MSR1: variants seen among roughly 807,000 people sequenced by gnomAD.
MSR1 encodes the protein macrophage scavenger receptor 1.
In MSR1, 53 loss-of-function variants were observed where a neutral mutation model predicts 47.2. The ratio of observed to expected loss-of-function variants is 1.12; its 90% confidence interval spans 0.90 to 1.41. MSR1 has a LOEUF of 1.41. Among genes scored for constraint, MSR1 ranks in the 40% most tolerant of loss-of-function variants. The probability of loss-of-function intolerance (pLI) is 0.00; values close to 1 mark genes in which losing one functional copy is unlikely to be tolerated. For missense variants in MSR1, 786 were observed against 546.9 expected (o/e 1.44, Z -4.36); for synonymous variants, 239 against 185.6 (o/e 1.29, Z -2.34).
rs149600801 is a variant in MSR1 at position 16,160,079 on chromosome 8, C to T, written c.817+3986G>A. Among the ~76,000 whole-genome samples the T allele has an allele frequency of 6.9e-3, 1,052 of 152,084 alleles. 10 individuals are homozygous for T. The highest frequency in any genetic ancestry group is 0.011 in the Non-Finnish European group (745 of 67,942). On this transcript the variant is annotated intron_variant, in intron 5 of 9. Transcript: ENST00000262101. The stretch of plus-strand genomic sequence containing the variant: ...GACACACTGAAAAAGACCTTGAGTG[C>T]TACAGGCAAAACTGTATGTCTAATG...
chr8:16,139,764 AAAAAAAAAAAATATATATATATATATAT>A (rs1800490020), intron 8 of MSR1: 1 of 163,708 alleles, frequency 6.1e-6, no homozygotes, highest in Admixed American at 4.5e-4. Context: ...AAAAAAAAAA[AAAAAAAAAAAATATATATATATATATAT>A]ATATATATAT....
At chr8:16,188,963 CATACATATATATATATATAT>C (rs1802081883) in intron 1 of MSR1, among the ~76,000 whole-genome samples, 2 of 86,838 alleles carry the variant, frequency 2.3e-5, no homozygotes, top group African/African-American at 9.3e-5. Context: ...ATTCAACACA[CATACATATATATATATATAT>C]ATATATATAT....
intron 9 of MSR1, 37 bp from the exon 10 acceptor site, chr8:16,110,255 GA>G: frequency 6.2e-7 from 1 of 1,610,310 alleles, no homozygotes; most frequent in Non-Finnish European, 8.5e-7. Context: ...AGTAAGTTTA[GA>G]GTTTAGTGTT....
intron 5 of MSR1, among the ~76,000 whole-genome samples, chr8:16,159,793 C>A (rs111917030): frequency 1.3e-5 from 2 of 151,790 alleles, no homozygotes; most frequent in African/African-American, 4.8e-5. Flanking sequence ...CATATTAAGA[C>A]AGAAATAAGT....
chr8:16,157,500 T>C (rs1399245308), intron 5 of MSR1, among the ~76,000 whole-genome samples: 2 of 151,958 alleles, frequency 1.3e-5, no homozygotes, highest in African/African-American at 4.8e-5. Flanking sequence ...ATGTTGAATG[T>C]ACCTTTTTAT....
intron 8 of MSR1, among the ~76,000 whole-genome samples, chr8:16,126,051 T>C (rs569274327): frequency 1.3e-5 from 2 of 152,262 alleles, no homozygotes; most frequent in South Asian, 4.1e-4. Context: ...TTATTTCTTT[T>C]CTTTATTTTT....
intron 1 of MSR1, among the ~76,000 whole-genome samples, chr8:16,189,266 T>A (rs1162217433): frequency 7.2e-6 from 1 of 138,792 alleles, no homozygotes; most frequent in African/African-American, 2.6e-5. Context: ...CTTATTTTAT[T>A]TATATTTCAA....
At chr8:16,130,061 T>C (rs1026866660) in intron 8 of MSR1, among the ~76,000 whole-genome samples, 4 of 152,094 alleles carry the variant, frequency 2.6e-5, no homozygotes, top group African/African-American at 9.7e-5. Context: ...CTGTGAAAAA[T>C]GGGGCTGATG....
At chr8:16,138,747 A>G (rs79359559) in intron 8 of MSR1, among the ~76,000 whole-genome samples, 13,686 of 152,188 alleles carry the variant, frequency 0.09, 1,250 homozygotes, top group East Asian at 0.38. Flanking sequence ...AGGAGTTACA[A>G]CTTATCTCTA....
At position 16,155,188 on chromosome 8, in the gene MSR1, GA is replaced by G; in HGVS notation, c.818-45del. 2 of 1,456,136 alleles carry G rather than the reference GA, an allele frequency of 1.4e-6. 1 individual carries two copies. The highest frequency in any genetic ancestry group is 3.5e-4 in the Middle Eastern group (2 of 5,666). 90.2% of individuals were successfully genotyped at this position (1,456,136 alleles called of 1,614,324 possible). ...TACTGATCATAGTTGTAAAGCATAG[GA>G]AAAATGGGTTAGTCATCTGTCAAGG... is the stretch of plus-strand genomic sequence containing the variant. On this transcript the variant is annotated intron_variant, in intron 5 of 9. Coordinates refer to ENST00000262101, the MANE Select transcript of MSR1 (RefSeq NM_138715.3).
At chr8:16,168,993 G>C in intron 3 of MSR1, 123 bp from the exon 4 acceptor site, 1 of 960,418 alleles carries the variant, frequency 1.0e-6, no homozygotes, top group Non-Finnish European at 1.6e-6. Context: ...TGAATGCTAG[G>C]CTAAATCGAG....
At chr8:16,153,638 C>G (rs1215686101) in intron 6 of MSR1, among the ~76,000 whole-genome samples, 1 of 151,728 alleles carries the variant, frequency 6.6e-6, no homozygotes, top group East Asian at 1.9e-4. Context: ...ATTTATAAAT[C>G]CTTCTATTTC....
chr8:16,165,991 A>C (rs1329646496), intron 4 of MSR1, among the ~76,000 whole-genome samples: 1 of 152,094 alleles, frequency 6.6e-6, no homozygotes, highest in Non-Finnish European at 1.5e-5. Context: ...GCACACCGCC[A>C]TGATAAATAC....
intron 8 of MSR1, among the ~76,000 whole-genome samples, chr8:16,124,023 A>T (rs1800071671): frequency 6.6e-6 from 1 of 152,144 alleles, no homozygotes; most frequent in Non-Finnish European, 1.5e-5. Context: ...TCTTGATGAC[A>T]GTTACTGTCT....
At chr8:16,149,279 G>A (rs1023071159) in intron 7 of MSR1, among the ~76,000 whole-genome samples, 2 of 151,982 alleles carry the variant, frequency 1.3e-5, no homozygotes, top group Non-Finnish European at 2.9e-5. Flanking sequence ...GTGCATGGGT[G>A]GTTTATGGGA....
At chr8:16,146,726 G>C (rs976581093) in intron 7 of MSR1, among the ~76,000 whole-genome samples, 3 of 151,892 alleles carry the variant, frequency 2.0e-5, no homozygotes, top group Admixed American at 6.6e-5. Flanking sequence ...TGTACTTCTG[G>C]AACTACTTAA....
intron 6 of MSR1, 51 bp downstream of exon 6, chr8:16,155,013 G>A: frequency 7.0e-7 from 1 of 1,427,578 alleles, no homozygotes; most frequent in Non-Finnish European, 9.9e-7. Flanking sequence ...GTACCTGGAT[G>A]TATATCATCT....
intron 3 of MSR1, among the ~76,000 whole-genome samples, chr8:16,170,045 C>G (rs1171786444): frequency 6.6e-6 from 1 of 151,962 alleles, no homozygotes; most frequent in Admixed American, 6.6e-5. Context: ...AAGGCTTAAA[C>G]ATTAACTTTT....
chr8:16,167,377 T>G (rs1044124026), intron 4 of MSR1, among the ~76,000 whole-genome samples: 2 of 151,992 alleles, frequency 1.3e-5, no homozygotes, highest in Non-Finnish European at 2.9e-5. Flanking sequence ...AAACTCTGTC[T>G]CCACTAAAAA....
Sources: gnomAD v4.1 joint callset for allele counts (sites outside exome capture counted in the v4.1 genomes callset) on GRCh38, gnomAD v4.1.1 for gene constraint, MANE v1.5 for transcripts, NCBI Gene and HGNC (gene_info 2026-07-23, HGNC 2026-07-21) for gene names.